The following FAM184A variants were observed in gnomAD, a reference collection of about 807,000 sequenced individuals.
FAM184A encodes family with sequence similarity 184 member A, also known as protein FAM184A.
Under a neutral mutation model 143.8 loss-of-function variants are expected in FAM184A, and 99 were observed. That is an observed-to-expected ratio of 0.69 (90% CI 0.58 to 0.81). The LOEUF (loss-of-function observed/expected upper bound fraction) is 0.81, where lower values mean the gene tolerates loss of function less well. Among genes scored for constraint, FAM184A ranks in the 40% least tolerant of loss-of-function variants. The pLI is 0.00. For missense variants in FAM184A, 1,217 were observed against 1,310.5 expected (o/e 0.93, Z 1.10); for synonymous variants, 427 against 446.4 (o/e 0.96, Z 0.55).
intron 1 of FAM184A, among the ~76,000 whole-genome samples, chr6:119,130,900 A>G (rs912206288): frequency 7.1e-6 from 1 of 140,130 alleles, no homozygotes; most frequent in African/African-American, 2.7e-5. Flanking sequence ...CTCTGCACCT[A>G]GGCTAGAGTG....
intron 1 of FAM184A, among the ~76,000 whole-genome samples, chr6:119,126,276 C>G (rs1299291509): frequency 2.0e-5 from 3 of 152,216 alleles, no homozygotes; most frequent in African/African-American, 7.2e-5. Context: ...TGCATGAAAT[C>G]TCCCTCATGC....
chr6:119,028,403 C>T (rs944436463), intron 1 of FAM184A, among the ~76,000 whole-genome samples: 5 of 152,288 alleles, frequency 3.3e-5, no homozygotes, highest in African/African-American at 7.2e-5. Context: ...GCCAGAGGAA[C>T]CCATCATGTG....
rs867183124 is a variant in FAM184A, at chr6:118,974,465, C to T, written c.2878G>A (p.Glu960Lys). Residue 960 changes from glutamate to lysine, a missense_variant, in exon 14 of 18, where the codon GAG (glutamate) becomes AAG (lysine). Coordinates refer to ENST00000338891, the MANE Select transcript of FAM184A (RefSeq NM_024581.6). ...IMRADFNKTNELLKEINAALQ... is the reference protein window; with the variant it reads ...IMRADFNKTNKLLKEINAALQ... ...GCGGCATTTATTTCCTTGAGTAGCT[C>T]GTTAGTCTTATTAAAATCTGCCCGC... 7 of 1,612,000 alleles carry T rather than the reference C, an allele frequency of 4.3e-6. No homozygotes were observed. Among genetic ancestry groups the T allele is most frequent in the African/African-American group, 2.7e-5 (2 of 74,838 alleles).
chr6:118,991,550 T>C (rs1472450802), intron 9 of FAM184A, among the ~76,000 whole-genome samples: 6 of 151,922 alleles, frequency 3.9e-5, no homozygotes, highest in African/African-American at 1.5e-4. Context: ...GGCAAGTGGA[T>C]CAGCTAGCAC....
At chr6:119,051,445 A>G (rs1386761870) in intron 1 of FAM184A, among the ~76,000 whole-genome samples, 1 of 152,220 alleles carries the variant, frequency 6.6e-6, no homozygotes, top group Non-Finnish European at 1.5e-5. Context: ...AAAGAAAAAA[A>G]TGAATAAGAC....
rs909103236 is a variant in FAM184A at position 119,078,463 on chromosome 6, C to T, written c.-164G>A. 1.5e-6 allele frequency: 1 copy of T among 676,830 alleles called. No individual in the cohort carries two copies. The highest frequency in any genetic ancestry group is 2.2e-6 in the Non-Finnish European group (1 of 448,520). 41.9% of individuals were successfully genotyped at this position (676,830 alleles called of 1,614,324 possible). ...GCCGTCCCACCCGCGACCCCCGGGT[C>T]ACCCCTGGAAGGGACGGGGCGGTCC... On this transcript the variant is annotated 5_prime_UTR_variant, in exon 1 of 18. Transcript: ENST00000338891. The surrounding 1 kb of genome is among the most constrained non-coding windows in gnomAD (Gnocchi z 5.5).
chr6:119,033,133 G>A (rs1005923606), intron 1 of FAM184A, among the ~76,000 whole-genome samples: 1 of 152,048 alleles, frequency 6.6e-6, no homozygotes, highest in Non-Finnish European at 1.5e-5. Context: ...GCTTACTAAG[G>A]GAATCTTATG....
chr6:119,114,396 C>T (rs1452243046), intron 1 of FAM184A, among the ~76,000 whole-genome samples: 3 of 152,208 alleles, frequency 2.0e-5, no homozygotes, highest in African/African-American at 7.2e-5. Flanking sequence ...ACTAACACAG[C>T]CTCTGTCACT....
intron 1 of FAM184A, among the ~76,000 whole-genome samples, chr6:119,101,863 C>A (rs2114835587): frequency 6.6e-6 from 1 of 152,180 alleles, no homozygotes; most frequent in African/African-American, 2.4e-5. Flanking sequence ...CAAGACCAGC[C>A]TGGACAACAT....
chr6:118,976,809 T>C (rs1783861486), intron 11 of FAM184A, among the ~76,000 whole-genome samples: 1 of 152,164 alleles, frequency 6.6e-6, no homozygotes, highest in Non-Finnish European at 1.5e-5. Context: ...TGAAAAATGT[T>C]CAATATCATG....
intron 1 of FAM184A, among the ~76,000 whole-genome samples, chr6:119,084,558 C>T (rs1206733823): frequency 6.6e-6 from 1 of 152,230 alleles, no homozygotes; most frequent in Non-Finnish European, 1.5e-5. Flanking sequence ...TGTGGCATTT[C>T]CAGGCACAGG....
At chr6:119,109,907 C>A (rs1788887361) in intron 1 of FAM184A, among the ~76,000 whole-genome samples, 1 of 152,148 alleles carries the variant, frequency 6.6e-6, no homozygotes, top group African/African-American at 2.4e-5. Flanking sequence ...TTCTGCCCTG[C>A]ATTTTAGGCA....
chr6:119,054,745 T>C (rs542409510), intron 1 of FAM184A, among the ~76,000 whole-genome samples: 43 of 152,308 alleles, frequency 2.8e-4, no homozygotes, highest in Non-Finnish European at 5.4e-4. Flanking sequence ...TGTGAAGTTA[T>C]ATGTTACTGC....
chr6:119,050,735 G>A (rs1786726612), intron 1 of FAM184A, among the ~76,000 whole-genome samples: 1 of 151,976 alleles, frequency 6.6e-6, no homozygotes, highest in African/African-American at 2.4e-5. Context: ...AACCCGGGAA[G>A]CGGAGCTTGC....
intron 8 of FAM184A, among the ~76,000 whole-genome samples, chr6:119,003,279 CTGACTTTAGGT>C (rs1347824062): frequency 3.3e-5 from 5 of 152,134 alleles, no homozygotes; most frequent in African/African-American, 1.2e-4. Context: ...AATAAGTCTT[CTGACTTTAGGT>C]TAGTTTACTG....
chr6:119,144,116 A>G (rs1394477603), intron 1 of FAM184A, among the ~76,000 whole-genome samples: 2 of 151,884 alleles, frequency 1.3e-5, no homozygotes, highest in Non-Finnish European at 2.9e-5. Context: ...TCACGAGGTC[A>G]GAAGATCGAG....
intron 1 of FAM184A, among the ~76,000 whole-genome samples, chr6:119,076,009 A>G (rs959972833): frequency 5.9e-5 from 9 of 152,108 alleles, no homozygotes; most frequent in African/African-American, 1.9e-4. Context: ...ATATTTCAGT[A>G]TATGTCAATG....
intron 1 of FAM184A, among the ~76,000 whole-genome samples, chr6:119,123,461 C>T (rs1419936788): frequency 6.6e-6 from 1 of 152,096 alleles, no homozygotes; most frequent in East Asian, 1.9e-4. Flanking sequence ...TGGTTCACGT[C>T]AGGGGTAACA....
chr6:119,066,295 T>A (rs1299722846), intron 1 of FAM184A, among the ~76,000 whole-genome samples: 1 of 152,172 alleles, frequency 6.6e-6, no homozygotes, highest in Non-Finnish European at 1.5e-5. Context: ...GGGGAGAACT[T>A]GTTTCCCTGC....
Sources: allele counts gnomAD v4.1 joint callset (sites outside exome capture counted in the v4.1 genomes callset), GRCh38; gene constraint gnomAD v4.1.1; non-coding constraint Gnocchi (gnomAD v3.1); transcripts MANE v1.5; gene names NCBI Gene and HGNC (gene_info 2026-07-23, HGNC 2026-07-21).